PKP3: variants seen among roughly 807,000 people sequenced by gnomAD.
PKP3 encodes plakophilin 3.
Under a neutral mutation model 76.5 loss-of-function variants are expected in PKP3, and 66 were observed. That is an observed-to-expected ratio of 0.86 (90% CI 0.71 to 1.06). The LOEUF is 1.06. Among genes scored for constraint, PKP3 ranks in the 50% least tolerant of loss-of-function variants. PKP3 has a pLI of 0.00. For missense variants in PKP3, 1,338 were observed against 1,141.0 expected, an observed-to-expected ratio of 1.17 and a Z score of -2.49; for synonymous variants, 638 against 516.5, an observed-to-expected ratio of 1.24 and a Z score of -3.19.
chr11:398,807 G>C (rs1274883198), intron 4 of PKP3, among the ~76,000 whole-genome samples, 185 bp from the exon 5 acceptor site: 1 of 130,052 alleles, frequency 7.7e-6, no homozygotes, highest in Non-Finnish European at 1.6e-5. Flanking sequence ...ACACACCTGC[G>C]TCACCTCCGT....
rs1428887540 is a variant in PKP3 at position 394,446 on chromosome 11, GC to G, written c.157del (p.Arg53AlafsTer46). 1 of 1,453,232 alleles carries G rather than the reference GC, an allele frequency of 6.9e-7. No homozygotes were observed. Among genetic ancestry groups the G allele is most frequent in the Non-Finnish European group, 9.0e-7 (1 of 1,110,538 alleles). The allele number at this position is 1,453,232 out of a possible 1,614,324, so 90.0% of individuals were successfully genotyped here. A position where few individuals can be genotyped will look rare whatever the true frequency, so the allele number is the denominator to read the frequency against. ...RAARVQEQVR[A>X]RLLQLGQQPR... The stretch of plus-strand genomic sequence containing the variant: ...AGCCCGCGTCCAGGAGCAGGTCCGC[GC>G]CCGCCTCTTGCAGCTGGGACAGCAG... On this transcript the variant is annotated frameshift_variant, in exon 1 of 13. Coordinates refer to ENST00000331563, the MANE Select transcript of PKP3 (RefSeq NM_007183.4). LOFTEE classifies it high-confidence loss of function.
Position 394,512 on chromosome 11 carries a change from G to A in PKP3, c.220G>A (p.Glu74Lys), listed in dbSNP as rs1310066332. The A allele has an allele frequency of 1.4e-5, 19 of 1,384,000 alleles. No individual in the cohort carries two copies. Among genetic ancestry groups the A allele is most frequent in the East Asian group, 9.0e-5 (3 of 33,242 alleles). 85.7% of individuals were successfully genotyped at this position (1,384,000 alleles called of 1,614,324 possible). ...GGCCGCTGAGCCCGAGCCTGAGGCC[G>A]AGACTGCCAGAGGTAGGCGGTGGGG... ...NGAAEPEPEA[E>K]TARGTSRGQY... Residue 74 changes from glutamate to lysine, a missense_variant, in exon 1 of 13, where the codon GAG (glutamate) becomes AAG (lysine). Glu to Lys is a moderately conservative substitution (Grantham distance 56). Coordinates refer to ENST00000331563, the MANE Select transcript of PKP3 (RefSeq NM_007183.4).
chr11:397,745 G>C, intron 4 of PKP3, 83 bp downstream of exon 4: 2 of 1,389,272 alleles, frequency 1.4e-6, no homozygotes, highest in Non-Finnish European at 2.0e-6. Flanking sequence ...TCTGCTCACT[G>C]AGCACCCCTC....
In PKP3 at chr11:404,080, C is replaced by T. The variant is rs1462341482; in HGVS notation, c.2215C>T (p.Leu739=). The T allele has an allele frequency of 4.3e-6, 7 of 1,612,342 alleles. 1 individual carries two copies. Among genetic ancestry groups the T allele is most frequent in the South Asian group, 1.1e-5 (1 of 91,080 alleles). ...VVASPIAARD[L]LYFDGLRKLI... ...GGCCAGCCCCATCGCTGCCCGAGACCTGCTGTATTTTGACGGACTCCGAAA... is the reference window on the plus strand; with the variant it reads ...GGCCAGCCCCATCGCTGCCCGAGACTTGCTGTATTTTGACGGACTCCGAAA... The change falls in exon 11 of 13, where the codon CTG becomes TTG. Residue 739 remains leucine, a synonymous_variant. Coordinates refer to ENST00000331563, the MANE Select transcript of PKP3 (RefSeq NM_007183.4). This position sits in a 1 kb window ranked among gnomAD's most constrained non-coding sequence, Gnocchi z 4.2.
chr11:399,362 C>T (rs1204392443), intron 5 of PKP3, among the ~76,000 whole-genome samples, 166 bp downstream of exon 5: 8 of 44,570 alleles, frequency 1.8e-4, no homozygotes, highest in African/African-American at 1.1e-3. Context: ...CCCCCCTCTG[C>T]CTTACCCCCC....
intron 8 of PKP3, among the ~76,000 whole-genome samples, chr11:400,935 C>A (rs191818186): frequency 7.3e-3 from 20 of 2,756 alleles, no homozygotes; most frequent in Non-Finnish European, 0.012. Context: ...CTCACCCCCG[C>A]CCCGCTCACC....
intron 9 of PKP3, 107 bp from the exon 10 acceptor site, chr11:403,511 G>A (rs1847193963): frequency 1.8e-6 from 2 of 1,140,922 alleles, no homozygotes; most frequent in African/African-American, 1.5e-5. Flanking sequence ...AGAAGCAGAG[G>A]CCCCCCTGAG....
At position 404,413 on chromosome 11, in the gene PKP3, G is replaced by T; in HGVS notation, c.2358+90G>T. ...TCAGTGAAGAGGCCCATGGGAGGAT[G>T]GAGACCAGGGACCCAGAGAGGAAGG... On this transcript the variant is annotated intron_variant, in intron 12 of 12. Transcript: ENST00000331563. The surrounding 1 kb of genome is among the most constrained non-coding windows in gnomAD (Gnocchi z 4.2). The T allele has an allele frequency of 6.8e-7, 1 of 1,463,552 alleles. No individual in the cohort carries two copies. Among genetic ancestry groups the T allele is most frequent in the Non-Finnish European group, 9.6e-7 (1 of 1,044,434 alleles). 90.7% of individuals were successfully genotyped at this position (1,463,552 alleles called of 1,614,324 possible). A position where few individuals can be genotyped will look rare whatever the true frequency, so the allele number is the denominator to read the frequency against.
rs770656133 is a variant in PKP3 at position 403,203 on chromosome 11, C to T, written c.1863C>T (p.Asn621=). The T allele has an allele frequency of 1.9e-6, 3 of 1,591,382 alleles. No individual in the cohort carries two copies. The highest frequency in any genetic ancestry group is 1.3e-5 in the African/African-American group (1 of 74,164). ...YNRLLQRCEL[N]RHTTEAAAGA... ...GGCTGCTGCAGCGCTGCGAGCTCAA[C>T]CGGCACACGACGGAGGCGGCCGCCG... The change falls in exon 9 of 13, where the codon AAC becomes AAT. Residue 621 remains asparagine (N), a synonymous_variant. Coordinates refer to ENST00000331563, the MANE Select transcript of PKP3 (RefSeq NM_007183.4).
chr11:396,795 G>T lies in PKP3; in HGVS notation c.313-19G>T, dbSNP rs373281665. 1.3e-6 allele frequency: 2 copies of T among 1,565,904 alleles called. No homozygotes were observed. The highest frequency in any genetic ancestry group is 1.7e-6 in the Non-Finnish European group (2 of 1,159,440). ...AGGTGAGCCCAGGCACGCCCTCACC[G>T]CCCCCTCTCGACCCACAGGGCTTCC... On this transcript the variant is annotated intron_variant, in intron 2 of 12. Coordinates refer to ENST00000331563, the MANE Select transcript of PKP3 (RefSeq NM_007183.4).
chr11:397,776 G>A (rs764364230), intron 4 of PKP3, 114 bp downstream of exon 4: 34 of 1,070,614 alleles, frequency 3.2e-5, no homozygotes, highest in Admixed American at 1.9e-4. Context: ...AGCTGACTGG[G>A]TAGACCCCAC....
rs1183475921 is a variant in PKP3 at position 399,276 on chromosome 11, GC to G, written c.1273+86del. The G allele has an allele frequency of 6.7e-5, 43 of 637,582 alleles. No homozygotes were observed. In the East Asian group the frequency reaches 9.6e-4, roughly 14 times the overall value. 39.5% of individuals were successfully genotyped at this position (637,582 alleles called of 1,614,324 possible). On this transcript the variant is annotated intron_variant, in intron 5 of 12. Coordinates refer to ENST00000331563, the MANE Select transcript of PKP3 (RefSeq NM_007183.4). Reference sequence around the variant, plus strand: ...ATCCCCCCTGCCTTCCTCCCCACCTGCCCCCCTCCACCTGCCCACCATCTGC... The same window carrying G: ...ATCCCCCCTGCCTTCCTCCCCACCTGCCCCCTCCACCTGCCCACCATCTGC...
At position 404,344 on chromosome 11, in the gene PKP3, G is replaced by A. The variant is rs750212515; in HGVS notation, c.2358+21G>A. The A allele has an allele frequency of 2.5e-6, 4 of 1,600,234 alleles. No individual in the cohort carries two copies. Among genetic ancestry groups the A allele is most frequent in the Non-Finnish European group, 3.4e-6 (4 of 1,168,696 alleles). On this transcript the variant is annotated intron_variant, in intron 12 of 12. Coordinates refer to ENST00000331563, the MANE Select transcript of PKP3 (RefSeq NM_007183.4). This position sits in a 1 kb window ranked among gnomAD's most constrained non-coding sequence, Gnocchi z 4.2. ...GGGCGGTACGTTTCCCGAGCCCAGG[G>A]CAAGCAGGGACCCGGGTGCAGGGCA...
At position 404,197 on chromosome 11, in the gene PKP3, C is replaced by G; in HGVS notation, c.2271-39C>G. The G allele has an allele frequency of 6.2e-7, 1 of 1,609,338 alleles. No homozygotes were observed. The highest frequency in any genetic ancestry group is 8.5e-7 in the Non-Finnish European group (1 of 1,177,106). ...GGGTCCTCCCAGTCCACCCTGCTTT[C>G]TGGCTGTGTGTCCCCTCCTGACTGC... On this transcript the variant is annotated intron_variant, in intron 11 of 12. Transcript: ENST00000331563. This position sits in a 1 kb window ranked among gnomAD's most constrained non-coding sequence, Gnocchi z 4.2.
At chr11:399,646 G>A (rs980855816) in intron 5 of PKP3, among the ~76,000 whole-genome samples, 5 of 142,686 alleles carry the variant, frequency 3.5e-5, no homozygotes, top group Non-Finnish European at 7.6e-5. Flanking sequence ...TGTACCTTTT[G>A]CCGGCCGTGT....
chr11:397,592 C>T lies in PKP3; in HGVS notation c.998C>T (p.Pro333Leu). 1 of 1,612,140 alleles carries T rather than the reference C, an allele frequency of 6.2e-7. No individual in the cohort carries two copies. The part of the protein sequence containing the change: ...SAVKYLMASD[P>L]NLQVLGAAYI... ...GTCAAGTACCTCATGGCTTCAGACC[C>T]CAACCTGCAGGTGCTGGGAGCGGCC... Residue 333 changes from proline (P) to leucine (L), a missense_variant, in exon 4 of 13, where the codon CCC becomes CTC. By Grantham distance (98) the Pro-to-Leu change is moderately conservative (BLOSUM62 -3). Coordinates refer to ENST00000331563, the MANE Select transcript of PKP3 (RefSeq NM_007183.4).
At position 399,014 on chromosome 11, in the gene PKP3, C is replaced by G; in HGVS notation, c.1091C>G (p.Pro364Arg). The G allele has an allele frequency of 1.3e-6, 2 of 1,596,318 alleles. No homozygotes were observed. The highest frequency in any genetic ancestry group is 1.7e-6 in the Non-Finnish European group (2 of 1,169,040). The change falls in exon 5 of 13, where the codon CCT (proline) becomes CGT (arginine). Residue 364 changes from proline to arginine, a missense_variant. Pro to Arg is a moderately radical substitution (Grantham distance 103). Coordinates refer to ENST00000331563, the MANE Select transcript of PKP3 (RefSeq NM_007183.4). ...KKQARSLQAV[P>R]RLVKLFNHAN... ...CAGGCCCGCAGCCTTCAGGCCGTGC[C>G]TAGGCTGGTGAAGCTCTTCAACCAC...
Position 397,452 on chromosome 11 carries a change from G to C in PKP3, c.944+7G>C. 4 of 1,612,002 alleles carry C rather than the reference G, an allele frequency of 2.5e-6. No homozygotes were observed. The highest frequency in any genetic ancestry group is 3.4e-6 in the Non-Finnish European group (4 of 1,179,588). On this transcript the variant is annotated splice_region_variant and intron_variant, in intron 3 of 12. Transcript: ENST00000331563. ...TGCAGAGACTCAGCAGCGGGTGAGC[G>C]GCTGGGCCCGGCTCAGGGAGGGGGC...
chr11:392,597 C>T, upstream of PKP3: 1 of 1,250,344 alleles, frequency 8.0e-7, no homozygotes, highest in Non-Finnish European at 1.0e-6. Flanking sequence ...GTCCCCGCCG[C>T]AGAGGCTGCC....
Sources: gnomAD v4.1 joint callset for allele counts (sites outside exome capture counted in the v4.1 genomes callset) on GRCh38, gnomAD v4.1.1 for gene constraint, Gnocchi (gnomAD v3.1) non-coding constraint, MANE v1.5 for transcripts, NCBI Gene and HGNC (gene_info 2026-07-23, HGNC 2026-07-21) for gene names.